SRGAP3: variants seen among roughly 807,000 people sequenced by gnomAD.
The protein encoded by SRGAP3 is SLIT-ROBO Rho GTPase activating protein 3, also known as SLIT-ROBO Rho GTPase-activating protein 3.
Under a neutral mutation model 121.1 loss-of-function variants are expected in SRGAP3, and 39 were observed. That is an observed-to-expected ratio of 0.32 (90% CI 0.25 to 0.42). The LOEUF is 0.42. SRGAP3 is among the 10% of genes least tolerant of loss of function. The probability of loss-of-function intolerance (pLI) is 1.00; values close to 1 mark genes in which losing one functional copy is unlikely to be tolerated. For synonymous variants in SRGAP3, 601 were observed against 570.0 expected (o/e 1.05, Z -0.77); for missense variants, 1,213 against 1,470.6 (o/e 0.82, Z 2.86).
chr3:9,132,602 A>G (rs1949497907), intron 1 of SRGAP3, among the ~76,000 whole-genome samples: 1 of 152,036 alleles, frequency 6.6e-6, no homozygotes, highest in Non-Finnish European at 1.5e-5. Flanking sequence ...GCTCCTTTTT[A>G]TCACCAAATA....
chr3:9,249,772 G>A (rs1953957930), upstream of SRGAP3: 1 of 211,238 alleles, frequency 4.7e-6, no homozygotes, highest in African/African-American at 2.3e-5. Context: ...AAGCAAAAAG[G>A]GGAAGAAACG....
In SRGAP3 at chr3:9,053,078, G is replaced by A; in HGVS notation, c.1272C>T (p.Asn424=). Residue 424 remains asparagine (N), a synonymous_variant, in exon 9 of 22, where the codon AAC becomes AAT. Coordinates refer to ENST00000383836, the MANE Select transcript of SRGAP3 (RefSeq NM_014850.4). ...GCTGGTTGGCTCTCCTCTTGGCAATGTTGATCTTGCTCATGTAGGTCTCAG... is the reference window on the plus strand; with the variant it reads ...GCTGGTTGGCTCTCCTCTTGGCAATATTGATCTTGCTCATGTAGGTCTCAG... ...AASETYMSKI[N]IAKRRANQQE... 1.2e-6 allele frequency: 2 copies of A among 1,614,158 alleles called. No homozygotes were observed. The highest frequency in any genetic ancestry group is 1.7e-6 in the Non-Finnish European group (2 of 1,180,042).
chr3:9,309,422 T>C (rs1955207989), intron 3 of SRGAP3, among the ~76,000 whole-genome samples: 1 of 152,190 alleles, frequency 6.6e-6, no homozygotes, highest in South Asian at 2.1e-4. Flanking sequence ...ATAATACCCC[T>C]TCCTGCTCGG....
chr3:9,191,746 T>G lies in SRGAP3; in HGVS notation c.67+57139A>C, dbSNP rs1218305059. 3.2e-4 allele frequency among the ~76,000 whole-genome samples: 48 copies of G among 152,240 alleles called. 1 individual carries two copies. The highest frequency in any genetic ancestry group is 6.2e-4 in the South Asian group (3 of 4,826). ...CACATTGAACGATAATCCACAGTGT[T>G]GGAGGTGAGCCCTGGTAAGAGGTGA... On this transcript the variant is annotated intron_variant, in intron 1 of 21. Transcript: ENST00000383836.
intron 1 of SRGAP3, among the ~76,000 whole-genome samples, chr3:9,151,992 T>C (rs145226931): frequency 8.5e-5 from 13 of 152,308 alleles, no homozygotes; most frequent in African/African-American, 2.4e-4. Context: ...ATGTGTCCTA[T>C]GGAAATGCTG....
chr3:9,164,214 T>C (rs946357522), intron 1 of SRGAP3, among the ~76,000 whole-genome samples: 8 of 151,604 alleles, frequency 5.3e-5, no homozygotes, highest in Admixed American at 4.6e-4. Context: ...TCAGGCTCAA[T>C]GTCACTCAGC....
intron 3 of SRGAP3, among the ~76,000 whole-genome samples, chr3:9,302,670 G>A (rs77609543): frequency 0.016 from 2,472 of 152,286 alleles, 48 homozygotes; most frequent in African/African-American, 0.054. Context: ...ACCCCTGCTG[G>A]CTGTAGAACG....
chr3:8,981,160 C>T lies in SRGAP3; in HGVS notation c.*4359G>A, dbSNP rs1169305945. The T allele has an allele frequency of 8.6e-6, 2 of 233,030 alleles. No homozygotes were observed. The highest frequency in any genetic ancestry group is 6.0e-5 in the East Asian group (1 of 16,570). 14.4% of individuals were successfully genotyped at this position (233,030 alleles called of 1,614,324 possible). A position where few individuals can be genotyped will look rare whatever the true frequency, so the allele number is the denominator to read the frequency against. On this transcript the variant is annotated 3_prime_UTR_variant, in exon 22 of 22. Coordinates refer to ENST00000383836, the MANE Select transcript of SRGAP3 (RefSeq NM_014850.4). Reference sequence around the variant, plus strand: ...GACCTGACAGCAAAGTCCCTTCTCTCGGCTCCCCTGGGCAGCTTTGGATAT... The same window carrying T: ...GACCTGACAGCAAAGTCCCTTCTCTTGGCTCCCCTGGGCAGCTTTGGATAT...
chr3:9,176,725 G>C (rs1232541431), intron 1 of SRGAP3, among the ~76,000 whole-genome samples: 1 of 152,016 alleles, frequency 6.6e-6, no homozygotes, highest in African/African-American at 2.4e-5. Flanking sequence ...AAGCAAGTGG[G>C]GGGCGGGGAG....
At chr3:9,351,163 T>C (rs1367772167) in intron 1 of SRGAP3, among the ~76,000 whole-genome samples, 1 of 152,158 alleles carries the variant, frequency 6.6e-6, no homozygotes, top group Non-Finnish European at 1.5e-5. Flanking sequence ...ATCTGCCACA[T>C]TCTAGGGGGT....
In SRGAP3 at chr3:9,115,558, T is replaced by C. The variant is rs151059086; in HGVS notation, c.260+9167A>G. On this transcript the variant is annotated intron_variant, in intron 2 of 21. Transcript: ENST00000383836. ...CTGGGAAAGAGCCAGATGGAAACAT[T>C]GGAAAGAGATAAAGGAGCTACAGCC... 3.8e-3 allele frequency among the ~76,000 whole-genome samples: 573 copies of C among 152,252 alleles called. 5 individuals carry two copies. Among genetic ancestry groups the C allele is most frequent in the African/African-American group, 0.013 (542 of 41,556 alleles).
intron 5 of SRGAP3, among the ~76,000 whole-genome samples, chr3:9,061,505 C>T (rs1332161802): frequency 6.6e-6 from 1 of 152,190 alleles, no homozygotes; most frequent in Non-Finnish European, 1.5e-5. Flanking sequence ...TCTACCTCTC[C>T]CACTCCCTCT....
At chr3:9,213,204 C>T (rs575018848) in intron 1 of SRGAP3, among the ~76,000 whole-genome samples, 1 of 152,198 alleles carries the variant, frequency 6.6e-6, no homozygotes, top group African/African-American at 2.4e-5. Flanking sequence ...TGGAAGGATG[C>T]CCAGTTTGTC....
chr3:9,282,765 A>T (rs1954704066), intron 3 of SRGAP3, among the ~76,000 whole-genome samples: 2 of 151,980 alleles, frequency 1.3e-5, no homozygotes, highest in Admixed American at 1.3e-4. Context: ...TACAGGAGTG[A>T]GTCACTGTGC....
chr3:9,064,650 G>T, intron 4 of SRGAP3, 69 bp from the exon 5 acceptor site: 1 of 1,569,538 alleles, frequency 6.4e-7, no homozygotes, highest in Non-Finnish European at 8.7e-7. Context: ...TGTTACTCCT[G>T]GCTCCATACC....
intron 3 of SRGAP3, among the ~76,000 whole-genome samples, chr3:9,104,203 T>C (rs1679413329): frequency 6.6e-6 from 1 of 152,168 alleles, no homozygotes; most frequent in African/African-American, 2.4e-5. Flanking sequence ...GGTAGTAAAA[T>C]CATATATGCA....
At chr3:9,343,336 C>G (rs1366817470) in intron 1 of SRGAP3, among the ~76,000 whole-genome samples, 1 of 152,104 alleles carries the variant, frequency 6.6e-6, no homozygotes, top group Non-Finnish European at 1.5e-5. Context: ...TTGAATATGT[C>G]TTAAATCAGC....
intron 3 of SRGAP3, among the ~76,000 whole-genome samples, chr3:9,279,950 G>A (rs934487386): frequency 6.6e-6 from 1 of 152,226 alleles, no homozygotes; most frequent in Non-Finnish European, 1.5e-5. Flanking sequence ...GAATGAGCAG[G>A]TGATGAGATA....
chr3:9,087,402 G>C (rs1449617953), intron 3 of SRGAP3, among the ~76,000 whole-genome samples: 1 of 151,848 alleles, frequency 6.6e-6, no homozygotes, highest in Non-Finnish European at 1.5e-5. Flanking sequence ...AAATTTTTTA[G>C]TAACTTTTCC....
Sources: gnomAD v4.1 joint callset for allele counts (sites outside exome capture counted in the v4.1 genomes callset) on GRCh38, gnomAD v4.1.1 for gene constraint, MANE v1.5 for transcripts, NCBI Gene and HGNC (gene_info 2026-07-23, HGNC 2026-07-21) for gene names.